B4GALT5: variants seen among roughly 807,000 people sequenced by gnomAD.
B4GALT5 encodes UDP-Gal:beta-GlcNAc beta-1,4-galactosyltransferase 5.
B4GALT5 carries 11 observed loss-of-function variants against 45.0 expected under a neutral mutation model. That is an observed-to-expected ratio of 0.24 (90% confidence interval 0.15 to 0.40). The LOEUF is 0.40. Ranked by LOEUF, B4GALT5 falls within the 10% of genes least tolerant of loss-of-function variation. B4GALT5 has a pLI of 1.00. For synonymous variants in B4GALT5, 185 were observed against 182.9 expected (o/e 1.01, Z -0.09); for missense variants, 337 against 500.2 (o/e 0.67, Z 3.11).
chr20:49,633,414 AT>A lies in B4GALT5; in HGVS notation c.*2897del, dbSNP rs1466766658. 5.5e-5 allele frequency: 8 copies of A among 144,274 alleles called. No individual in the cohort carries two copies. In the Admixed American group the frequency reaches 5.7e-4, roughly 10 times the overall value. 8.9% of individuals were successfully genotyped at this position (144,274 alleles called of 1,614,324 possible). On this transcript the variant is annotated 3_prime_UTR_variant, in exon 9 of 9. Transcript: ENST00000371711. ...CTTGAAGATTTTCAGCTACCAATAT[AT>A]GCACAAGGTCACATTTGGTTCCTGT...
At chr20:49,689,263 C>T (rs781553134) in intron 1 of B4GALT5, among the ~76,000 whole-genome samples, 1 of 152,026 alleles carries the variant, frequency 6.6e-6, no homozygotes, top group Non-Finnish European at 1.5e-5. Flanking sequence ...TATTTAGACT[C>T]AATGAGAAAG....
intron 1 of B4GALT5, among the ~76,000 whole-genome samples, chr20:49,699,367 CAAAAAA>C (rs11476698): frequency 1.1e-5 from 1 of 93,826 alleles, no homozygotes; most frequent in African/African-American, 4.2e-5. Context: ...CCTAAATGGG[CAAAAAA>C]AAAAAAAAAA....
intron 1 of B4GALT5, among the ~76,000 whole-genome samples, chr20:49,683,385 A>AT (rs66503719): frequency 0.067 from 6,484 of 96,526 alleles, 141 homozygotes; most frequent in African/African-American, 0.12. Flanking sequence ...ACAGGTTTAA[A>AT]TTTTTTTTTT....
chr20:49,640,778 G>C (rs2122995620), intron 5 of B4GALT5, 113 bp from the exon 6 acceptor site: 1 of 1,085,574 alleles, frequency 9.2e-7, no homozygotes, highest in East Asian at 2.6e-5. Context: ...CACTGGGCTA[G>C]TGTAACCAGG....
chr20:49,707,786 G>C (rs543444467), intron 1 of B4GALT5, among the ~76,000 whole-genome samples: 2 of 151,726 alleles, frequency 1.3e-5, no homozygotes, highest in South Asian at 4.2e-4. Context: ...TAATTTTTTT[G>C]TATTTTTAGT....
chr20:49,684,667 G>C, intron 1 of B4GALT5: 1 of 518,390 alleles, frequency 1.9e-6, no homozygotes. Flanking sequence ...ACAACAGAAA[G>C]AAATCAAGGC....
intron 1 of B4GALT5, among the ~76,000 whole-genome samples, chr20:49,694,926 T>G (rs546603497): frequency 5.3e-5 from 8 of 152,076 alleles, no homozygotes; most frequent in Non-Finnish European, 1.2e-4. Flanking sequence ...GTTAGAACTC[T>G]CAATGCCATT....
intron 7 of B4GALT5, among the ~76,000 whole-genome samples, chr20:49,638,499 A>G (rs2085563099): frequency 6.6e-6 from 1 of 152,182 alleles, no homozygotes; most frequent in African/African-American, 2.4e-5. Context: ...AGGATTGTTC[A>G]CCCAAGCTTG....
chr20:49,710,420 G>T (rs6019991), intron 1 of B4GALT5, among the ~76,000 whole-genome samples: 67,596 of 105,198 alleles, frequency 0.64, 19,964 homozygotes, highest in Middle Eastern at 0.78. Flanking sequence ...TTTTTTTTTT[G>T]TGTGTGTGTG....
intron 5 of B4GALT5, 106 bp downstream of exon 5, chr20:49,642,354 CGATCCTAA>C: frequency 1.3e-6 from 1 of 798,790 alleles, no homozygotes; most frequent in Admixed American, 2.3e-5. Flanking sequence ...TCAGGCAACT[CGATCCTAA>C]GATTTCAGTT....
intron 1 of B4GALT5, among the ~76,000 whole-genome samples, chr20:49,712,882 T>C (rs2146366329): frequency 7.4e-6 from 1 of 135,210 alleles, no homozygotes; most frequent in Non-Finnish European, 1.6e-5. Context: ...CTCAGGGGAT[T>C]AGCAGGAGAT....
chr20:49,712,712 A>C (rs971195535), intron 1 of B4GALT5, among the ~76,000 whole-genome samples: 21 of 151,938 alleles, frequency 1.4e-4, no homozygotes, highest in African/African-American at 4.8e-4. Flanking sequence ...GAGAGGGCAG[A>C]AGTGGAAGAA....
At chr20:49,672,477 T>C (rs1328958584) in intron 1 of B4GALT5, among the ~76,000 whole-genome samples, 2 of 152,218 alleles carry the variant, frequency 1.3e-5, no homozygotes, top group African/African-American at 4.8e-5. Context: ...GTCTTTTGCA[T>C]ATATCAACTT....
Position 49,633,453 on chromosome 20 carries a change from C to T in B4GALT5, c.*2859G>A, listed in dbSNP as rs1340570131. On this transcript the variant is annotated 3_prime_UTR_variant, in exon 9 of 9. Transcript: ENST00000371711. Reference sequence around the variant, plus strand: ...ATTTGGTTCCTGTTTTTTTTTTTAACATGACAATTTCACACTATTAACAGC... The same window carrying T: ...ATTTGGTTCCTGTTTTTTTTTTTAATATGACAATTTCACACTATTAACAGC... The T allele has an allele frequency of 6.2e-5, 5 of 80,164 alleles. No homozygotes were observed. The highest frequency in any genetic ancestry group is 7.3e-5 in the Non-Finnish European group (3 of 41,320). The allele number at this position is 80,164 out of a possible 1,614,324, so 5.0% of individuals were successfully genotyped here. A position where few individuals can be genotyped will look rare whatever the true frequency, so the allele number is the denominator to read the frequency against.
intron 1 of B4GALT5, among the ~76,000 whole-genome samples, chr20:49,708,809 G>A (rs1052130148): frequency 3.1e-4 from 47 of 151,896 alleles, no homozygotes; most frequent in African/African-American, 1.0e-3. Context: ...GCAGGTGCCC[G>A]TAATCCCAGC....
chr20:49,684,903 T>C lies in B4GALT5; in HGVS notation c.116-28201A>G, dbSNP rs372278982. ...ATAACAAATGTAGATTCCAGAGTGA[T>C]TGAAACAGAGTAGGCCTTCAGGAAG... On this transcript the variant is annotated intron_variant, in intron 1 of 8. Coordinates refer to ENST00000371711, the MANE Select transcript of B4GALT5 (RefSeq NM_004776.4). 1.0e-3 allele frequency among the ~76,000 whole-genome samples: 155 copies of C among 152,324 alleles called. 1 individual carries two copies. Among genetic ancestry groups the C allele is most frequent in the Admixed American group, 2.9e-3 (44 of 15,304 alleles).
At chr20:49,656,482 T>C (rs1218216883) in intron 2 of B4GALT5, 86 bp downstream of exon 2, 1 of 1,536,954 alleles carries the variant, frequency 6.5e-7, no homozygotes, top group African/African-American at 1.4e-5. Flanking sequence ...AATGCGCTTT[T>C]CCCATTGAAA....
At chr20:49,668,815 C>G (rs1391462398) in intron 1 of B4GALT5, among the ~76,000 whole-genome samples, 1 of 152,094 alleles carries the variant, frequency 6.6e-6, no homozygotes, top group Non-Finnish European at 1.5e-5. Flanking sequence ...AGCCTCCCAC[C>G]CCCACTGACA....
At chr20:49,649,226 C>T (rs2085611360) in intron 2 of B4GALT5, among the ~76,000 whole-genome samples, 1 of 152,162 alleles carries the variant, frequency 6.6e-6, no homozygotes. Context: ...TCAGTAGTAG[C>T]TTTCCTGAAA....
Sources: allele counts gnomAD v4.1 joint callset (sites outside exome capture counted in the v4.1 genomes callset), GRCh38; gene constraint gnomAD v4.1.1; transcripts MANE v1.5; gene names NCBI Gene and HGNC (gene_info 2026-07-23, HGNC 2026-07-21).